Variants in RFTN1 observed in about 807,000 individuals in gnomAD.
RFTN1 encodes raftlin.
RFTN1 carries 26 observed loss-of-function variants against 46.5 expected under a neutral mutation model. The ratio of observed to expected loss-of-function variants is 0.56; its 90% confidence interval spans 0.41 to 0.78. The LOEUF (loss-of-function observed/expected upper bound fraction) is 0.78, where lower values mean the gene tolerates loss of function less well. Ranked by LOEUF, RFTN1 falls within the 30% of genes least tolerant of loss-of-function variation. The pLI is 0.00. For synonymous variants in RFTN1, 261 were observed against 284.2 expected (o/e 0.92, Z 0.82); for missense variants, 693 against 718.7 (o/e 0.96, Z 0.41).
chr3:16,482,776 A>G (rs977104725), intron 2 of RFTN1: 1 of 1,536,038 alleles, frequency 6.5e-7, no homozygotes, highest in African/African-American at 1.4e-5. Context: ...GCTCCATCAC[A>G]ATACATCAGC....
rs57242614 is a variant in RFTN1, at chr3:16,443,750, AACACACACACAC to A, written c.146-9725_146-9714del. On this transcript the variant is annotated intron_variant, in intron 2 of 9. Transcript: ENST00000334133. This position sits in a 1 kb window ranked among gnomAD's most constrained non-coding sequence, Gnocchi z 5.5. ...CACACATAGTCAATGAATTACACAC[AACACACACACAC>A]ACACACACACACACACACACACCAC... Among the ~76,000 whole-genome samples, 18 of 146,040 alleles carry A rather than the reference AACACACACACAC, an allele frequency of 1.2e-4. No individual in the cohort carries two copies. Among genetic ancestry groups the A allele is most frequent in the African/African-American group, 2.5e-4 (10 of 39,918 alleles).
rs1349910548 is a variant in RFTN1, at chr3:16,432,617, G to A, written c.332+1234C>T. On this transcript the variant is annotated intron_variant, in intron 3 of 9. Transcript: ENST00000334133. ...TTTGGGAGGCCAAGGTGGGAGGATC[G>A]CTTGAGGCCAGGATTTCAAGATCAG... 2.0e-5 allele frequency among the ~76,000 whole-genome samples: 3 copies of A among 152,098 alleles called. 1 individual carries two copies. The highest frequency in any genetic ancestry group is 4.2e-4 in the South Asian group (2 of 4,806).
intron 4 of RFTN1, among the ~76,000 whole-genome samples, chr3:16,392,335 C>G (rs2074371918): frequency 6.6e-6 from 1 of 152,174 alleles, no homozygotes; most frequent in South Asian, 2.1e-4. Flanking sequence ...AGGATACACT[C>G]CATTTCTCAG....
chr3:16,453,403 T>A (rs1373143802), intron 2 of RFTN1, among the ~76,000 whole-genome samples: 1 of 152,216 alleles, frequency 6.6e-6, no homozygotes, highest in Non-Finnish European at 1.5e-5. Flanking sequence ...ACCACAGTAG[T>A]GCAGCAAGTG....
intron 2 of RFTN1, among the ~76,000 whole-genome samples, chr3:16,488,225 G>A (rs1182832807): frequency 6.6e-6 from 1 of 151,586 alleles, no homozygotes; most frequent in Non-Finnish European, 1.5e-5. Flanking sequence ...TCAGCGTCCC[G>A]AGTAGCTGGG....
At chr3:16,491,745 G>GCGAAAAACACATAACCACGATT (rs1485633865) in intron 2 of RFTN1, among the ~76,000 whole-genome samples, 1 of 150,134 alleles carries the variant, frequency 6.7e-6, no homozygotes, top group Non-Finnish European at 1.5e-5. Context: ...TAACCACGAT[G>GCGAAAAACACATAACCACGATT]CAAAAAACAA....
In RFTN1 at chr3:16,345,838, G is replaced by A. The variant is rs527285580; in HGVS notation, c.1146+12094C>T. 4.5e-4 allele frequency among the ~76,000 whole-genome samples: 30 copies of A among 66,610 alleles called. No individual in the cohort carries two copies. Among genetic ancestry groups the A allele is most frequent in the African/African-American group, 1.8e-3 (21 of 11,718 alleles). 43.7% of individuals were successfully genotyped at this position (66,610 alleles called of 152,430 possible). A position where few individuals can be genotyped will look rare whatever the true frequency, so the allele number is the denominator to read the frequency against. On this transcript the variant is annotated intron_variant, in intron 7 of 9. Coordinates refer to ENST00000334133, the MANE Select transcript of RFTN1 (RefSeq NM_015150.2). This position sits in a 1 kb window ranked among gnomAD's most constrained non-coding sequence, Gnocchi z 5.2. ...TGTGTGCGCGCGCGCGTGCGCGCAC[G>A]CGCACATGTGCATGTGTATGTGTAT...
At chr3:16,331,533 C>G (rs999245758) in intron 7 of RFTN1, among the ~76,000 whole-genome samples, 3 of 152,056 alleles carry the variant, frequency 2.0e-5, no homozygotes, top group African/African-American at 7.2e-5. Flanking sequence ...TTAATTATTA[C>G]CTCCATTTTT....
chr3:16,478,087 C>T (rs967861723), intron 2 of RFTN1, among the ~76,000 whole-genome samples: 3 of 152,210 alleles, frequency 2.0e-5, no homozygotes, highest in African/African-American at 7.2e-5. Context: ...GCTCCCATCT[C>T]CCAGGTGCTG....
chr3:16,476,554 G>T (rs560508085), intron 2 of RFTN1, among the ~76,000 whole-genome samples: 72 of 152,292 alleles, frequency 4.7e-4, no homozygotes, highest in African/African-American at 1.6e-3. Flanking sequence ...GTAAAAGAAG[G>T]CCTCTCTGAA....
At chr3:16,432,247 G>A (rs537610405) in intron 3 of RFTN1, among the ~76,000 whole-genome samples, 23 of 152,296 alleles carry the variant, frequency 1.5e-4, no homozygotes, top group Admixed American at 1.2e-3. Context: ...ACTGGGCGTG[G>A]TGGCTCACAC....
At chr3:16,445,483 T>TCTCTCA (rs1352210263) in intron 2 of RFTN1, among the ~76,000 whole-genome samples, 3,598 of 126,782 alleles carry the variant, frequency 0.028, 166 homozygotes, top group East Asian at 0.17. Context: ...TCTCTCTCTC[T>TCTCTCA]CACACACACA....
At position 16,413,774 on chromosome 3, in the gene RFTN1, G is replaced by T. The variant is rs148840122; in HGVS notation, c.333-4291C>A. Among the ~76,000 whole-genome samples, 45 of 152,164 alleles carry T rather than the reference G, an allele frequency of 3.0e-4. No individual in the cohort carries two copies. Among genetic ancestry groups the T allele is most frequent in the African/African-American group, 1.1e-3 (45 of 41,502 alleles). On this transcript the variant is annotated intron_variant, in intron 3 of 9. Transcript: ENST00000334133. This position sits in a 1 kb window ranked among gnomAD's most constrained non-coding sequence, Gnocchi z 4.7. ...AATAAAATATGCTTCCCCATCACTC[G>T]CCATCCCCAACTTGGTATGATAATT...
intron 2 of RFTN1, among the ~76,000 whole-genome samples, chr3:16,463,716 G>T (rs532538749): frequency 1.3e-5 from 2 of 152,194 alleles, no homozygotes; most frequent in Admixed American, 1.3e-4. Flanking sequence ...TTGGGGAATG[G>T]TCACATTGAC....
In RFTN1 at chr3:16,383,353, C is replaced by T. The variant is rs1463854392; in HGVS notation, c.442-5251G>A. On this transcript the variant is annotated intron_variant, in intron 4 of 9. Coordinates refer to ENST00000334133, the MANE Select transcript of RFTN1 (RefSeq NM_015150.2). This position sits in a 1 kb window ranked among gnomAD's most constrained non-coding sequence, Gnocchi z 4.0. ...AGAGTAACAATTTCTGGTTGAGGCA[C>T]TGAAAATTAAACATGGCTGTTTTGA... Among the ~76,000 whole-genome samples, 2 of 152,180 alleles carry T rather than the reference C, an allele frequency of 1.3e-5. No homozygotes were observed. The highest frequency in any genetic ancestry group is 2.9e-5 in the Non-Finnish European group (2 of 68,040).
At position 16,381,009 on chromosome 3, in the gene RFTN1, T is replaced by C. The variant is rs1440428904; in HGVS notation, c.442-2907A>G. Among the ~76,000 whole-genome samples, 4 of 152,198 alleles carry C rather than the reference T, an allele frequency of 2.6e-5. No individual in the cohort carries two copies. The highest frequency in any genetic ancestry group is 5.9e-5 in the Non-Finnish European group (4 of 68,042). On this transcript the variant is annotated intron_variant, in intron 4 of 9. Transcript: ENST00000334133. This position sits in a 1 kb window ranked among gnomAD's most constrained non-coding sequence, Gnocchi z 4.2. ...ACACTGGTCCAGGCCAACACGGTGC[T>C]TAGGTACCAGGAATGTAAAATAGGA...
Position 16,468,651 on chromosome 3 carries a change from A to AAAC in RFTN1, c.145+25073_145+25074insGTT, listed in dbSNP as rs1239256119. ...TTGAGTAAAAAAAAAAAAAAAAAAA[A>AAAC]CTTTACTCAGAAAAAAGATAAGGCT... On this transcript the variant is annotated intron_variant, in intron 2 of 9. Coordinates refer to ENST00000334133, the MANE Select transcript of RFTN1 (RefSeq NM_015150.2). This position sits in a 1 kb window ranked among gnomAD's most constrained non-coding sequence, Gnocchi z 4.4. 1.3e-4 allele frequency among the ~76,000 whole-genome samples: 19 copies of AAAC among 148,496 alleles called. No individual in the cohort carries two copies. The highest frequency in any genetic ancestry group is 3.8e-4 in the African/African-American group (15 of 39,920).
chr3:16,347,156 T>C (rs1412771990), intron 7 of RFTN1, among the ~76,000 whole-genome samples: 3 of 152,216 alleles, frequency 2.0e-5, no homozygotes, highest in African/African-American at 7.2e-5. Flanking sequence ...AATCCCACTA[T>C]GGCTCCCTTC....
intron 1 of RFTN1, among the ~76,000 whole-genome samples, chr3:16,496,569 A>T (rs555883115): frequency 2.6e-5 from 4 of 152,310 alleles, no homozygotes; most frequent in Non-Finnish European, 5.9e-5. Context: ...ACATTTTAAA[A>T]ACTGATAATA....
Sources: allele counts gnomAD v4.1 joint callset (sites outside exome capture counted in the v4.1 genomes callset), GRCh38; gene constraint gnomAD v4.1.1; non-coding constraint Gnocchi (gnomAD v3.1); transcripts MANE v1.5; gene names NCBI Gene and HGNC (gene_info 2026-07-23, HGNC 2026-07-21).